Variants in OGFOD1 observed in about 807,000 individuals in gnomAD.
OGFOD1 encodes prolyl 3-hydroxylase OGFOD1.
Under a neutral mutation model 67.7 loss-of-function variants are expected in OGFOD1, and 54 were observed. The observed-to-expected ratio is 0.80, with a 90% confidence interval of 0.64 to 1.00. The LOEUF (loss-of-function observed/expected upper bound fraction) is 1.00, where lower values mean the gene tolerates loss of function less well. Ranked by LOEUF, OGFOD1 falls within the 50% of genes least tolerant of loss-of-function variation. The pLI is 0.00. For synonymous variants in OGFOD1, 221 were observed against 227.0 expected (o/e 0.97, Z 0.24); for missense variants, 606 against 646.7 (o/e 0.94, Z 0.68).
intron 9 of OGFOD1, 185 bp downstream of exon 9, chr16:56,470,267 A>G: frequency 1.5e-6 from 1 of 661,878 alleles, no homozygotes; most frequent in Non-Finnish European, 2.6e-6. Context: ...CACACCCAAT[A>G]ATAGGACACT....
chr16:56,474,997 C>T, intron 11 of OGFOD1, 47 bp downstream of exon 11: 1 of 1,601,050 alleles, frequency 6.2e-7, no homozygotes, highest in Non-Finnish European at 8.5e-7. Flanking sequence ...GTAGGAGGGG[C>T]AGTCTCTTCT....
chr16:56,475,894 G>C, intron 12 of OGFOD1, 150 bp from the exon 13 acceptor site: 1 of 697,400 alleles, frequency 1.4e-6, no homozygotes, highest in East Asian at 2.7e-5. Flanking sequence ...AAAATGGCTT[G>C]ACAGCCACCC....
Position 56,469,938 on chromosome 16 carries a change from C to T in OGFOD1, c.901-65C>T, listed in dbSNP as rs1247831103. The T allele has an allele frequency of 1.0e-5, 14 of 1,377,178 alleles. No homozygotes were observed. The African/African-American group carries it at 2.0e-4, about 20-fold the overall frequency. 85.3% of individuals were successfully genotyped at this position (1,377,178 alleles called of 1,614,324 possible). ...TTGATGTTTGGCAGAGCTGCTGTAC[C>T]TGCCAAACCAGTGCGGGGTAATAGG... On this transcript the variant is annotated intron_variant, in intron 8 of 12. Coordinates refer to ENST00000566157, the MANE Select transcript of OGFOD1 (RefSeq NM_018233.4).
intron 2 of OGFOD1, among the ~76,000 whole-genome samples, chr16:56,455,238 G>A (rs966801544): frequency 6.6e-6 from 1 of 151,882 alleles, no homozygotes; most frequent in African/African-American, 2.4e-5. Flanking sequence ...GTGGTGGCAC[G>A]CCCCTATAAT....
intron 4 of OGFOD1, among the ~76,000 whole-genome samples, chr16:56,463,058 T>C (rs1164828683): frequency 6.6e-6 from 1 of 152,344 alleles, no homozygotes; most frequent in African/African-American, 2.4e-5. Context: ...TGCAGGTATA[T>C]GGTGTAAACC....
intron 10 of OGFOD1, among the ~76,000 whole-genome samples, 161 bp downstream of exon 10, chr16:56,470,952 A>AT (rs35620675): frequency 6.6e-6 from 1 of 152,232 alleles, no homozygotes; most frequent in African/African-American, 2.4e-5. Flanking sequence ...GGGAGCTTAC[A>AT]TTCTAGTAGA....
chr16:56,470,695 C>T lies in OGFOD1; in HGVS notation c.1189C>T (p.Pro397Ser). Residue 397 changes from proline (P) to serine (S), a missense_variant, in exon 10 of 13, where the codon CCT (proline) becomes TCT (serine). By Grantham distance (74) the Pro-to-Ser change is moderately conservative. Coordinates refer to ENST00000566157, the MANE Select transcript of OGFOD1 (RefSeq NM_018233.4). ...ITEEGTSHSP[P>S]EPENNQMAIS... Reference sequence around the variant, plus strand: ...TGAAGAAGGGACTAGCCATAGTCCTCCTGAGCCAGAGAATAATCAGATGGC... The same window carrying T: ...TGAAGAAGGGACTAGCCATAGTCCTTCTGAGCCAGAGAATAATCAGATGGC... 6.2e-7 allele frequency: 1 copy of T among 1,614,070 alleles called. No individual in the cohort carries two copies. The highest frequency in any genetic ancestry group is 8.5e-7 in the Non-Finnish European group (1 of 1,179,968).
Position 56,470,733 on chromosome 16 carries a change from C to T in OGFOD1, c.1227C>T (p.Asn409=), listed in dbSNP as rs143949400. 2.9e-5 allele frequency: 46 copies of T among 1,613,812 alleles called. No individual in the cohort carries two copies. The highest frequency in any genetic ancestry group is 3.7e-5 in the Non-Finnish European group (44 of 1,179,920). The change falls in exon 10 of 13, where the codon AAC becomes AAT. Residue 409 remains asparagine, a synonymous_variant. Coordinates refer to ENST00000566157, the MANE Select transcript of OGFOD1 (RefSeq NM_018233.4). ...ATAATCAGATGGCCATCAGCAACAA[C>T]AGCCAACAGAGCAATGAGCAGACAG... ...PENNQMAISN[N]SQQSNEQTDP...
At chr16:56,453,715 T>C (rs1485892385) in intron 2 of OGFOD1, 9 of 189,448 alleles carry the variant, frequency 4.8e-5, no homozygotes, top group Non-Finnish European at 7.7e-5. Flanking sequence ...GAGAGAGTGA[T>C]AATGTCTTCC....
intron 8 of OGFOD1, among the ~76,000 whole-genome samples, chr16:56,469,696 C>T (rs985240208): frequency 6.6e-6 from 1 of 151,666 alleles, no homozygotes; most frequent in Non-Finnish European, 1.5e-5. Context: ...ACTAAAAATA[C>T]AAAATTAGCC....
rs1049731941 is a variant in OGFOD1, at chr16:56,451,771, C to G, written c.154+5C>G. 1 of 1,612,068 alleles carries G rather than the reference C, an allele frequency of 6.2e-7. No individual in the cohort carries two copies. Among genetic ancestry groups the G allele is most frequent in the Non-Finnish European group, 8.5e-7 (1 of 1,179,760 alleles). ...GCAGGACGCCGTTCAGTCACGGTAA[C>G]CGGGTGCTCTCAGGGAGGGGCCGCC... On this transcript the variant is annotated splice_donor_5th_base_variant and intron_variant, in intron 1 of 12. Coordinates refer to ENST00000566157, the MANE Select transcript of OGFOD1 (RefSeq NM_018233.4).
In OGFOD1 at chr16:56,476,200, G is replaced by A; in HGVS notation, c.1624G>A (p.Glu542Lys). Residue 542 changes from glutamate to lysine, a missense_variant, in exon 13 of 13, where the codon GAA (glutamate) becomes AAA (lysine). Glu to Lys is a moderately conservative substitution (Grantham distance 56, BLOSUM62 1). Transcript: ENST00000566157. ...CTGGGACTTTTCATTCATCTATTATGAATGACAGCACTGGGCAAAGCTGAA... is the reference window on the plus strand; with the variant it reads ...CTGGGACTTTTCATTCATCTATTATAAATGACAGCACTGGGCAAAGCTGAA... The part of the protein sequence containing the change: ...GFWDFSFIYY[E>K] 2 of 1,610,928 alleles carry A rather than the reference G, an allele frequency of 1.2e-6. No individual in the cohort carries two copies. Among genetic ancestry groups the A allele is most frequent in the Non-Finnish European group, 1.7e-6 (2 of 1,179,610 alleles).
chr16:56,471,345 G>C (rs1336838263), intron 10 of OGFOD1, among the ~76,000 whole-genome samples: 2 of 148,934 alleles, frequency 1.3e-5, no homozygotes, highest in African/African-American at 5.0e-5. Flanking sequence ...CTGGGCAACA[G>C]AGCGAGACTA....
rs368303889 is a variant in OGFOD1, at chr16:56,476,046, G to A, written c.1470G>A (p.Leu490=). ...GTCACTGTATTTGTCTTTTTCAGCT[G>A]CTAACAGTGAATCCAGAAAGCAATT... ...SYIAKGEDEE[L]LTVNPESNSL... Residue 490 remains leucine, a splice_region_variant and synonymous_variant, in exon 13 of 13, where the codon CTG becomes CTA. Transcript: ENST00000566157. 99 of 1,608,796 alleles carry A rather than the reference G, an allele frequency of 6.2e-5. No homozygotes were observed. Among genetic ancestry groups the A allele is most frequent in the Non-Finnish European group, 6.5e-5 (77 of 1,178,294 alleles).
chr16:56,468,029 C>T lies in OGFOD1; in HGVS notation c.900+11C>T, dbSNP rs1447484584. On this transcript the variant is annotated intron_variant, in intron 8 of 12. Transcript: ENST00000566157. The stretch of plus-strand genomic sequence containing the variant: ...AAGGAGTTTCTTAAGGTAAGCTTAG[C>T]GTATGTTGTTCTGAATATTTTGTTT... 2 of 1,349,504 alleles carry T rather than the reference C, an allele frequency of 1.5e-6. No homozygotes were observed. The highest frequency in any genetic ancestry group is 1.4e-5 in the African/African-American group (1 of 69,930). The allele number at this position is 1,349,504 out of a possible 1,614,324, so 83.6% of individuals were successfully genotyped here. A position where few individuals can be genotyped will look rare whatever the true frequency, so the allele number is the denominator to read the frequency against.
At chr16:56,469,840 A>AAC (rs1963070093) in intron 8 of OGFOD1, among the ~76,000 whole-genome samples, 163 bp from the exon 9 acceptor site, 1 of 142,366 alleles carries the variant, frequency 7.0e-6, no homozygotes, top group Non-Finnish European at 1.5e-5. Flanking sequence ...ACAAGAGTGA[A>AAC]ACTCCATCTC....
At chr16:56,472,638 CAAG>C (rs1372254228) in intron 10 of OGFOD1, among the ~76,000 whole-genome samples, 1 of 151,748 alleles carries the variant, frequency 6.6e-6, no homozygotes, top group Non-Finnish European at 1.5e-5. Flanking sequence ...GTTTAGAAAA[CAAG>C]AAAAAGGAAA....
chr16:56,453,593 TA>T, intron 2 of OGFOD1, 185 bp downstream of exon 2: 1 of 541,652 alleles, frequency 1.8e-6, no homozygotes. Context: ...TTAAGTGCTA[TA>T]ATTATATGGA....
rs1963474944 is a variant in OGFOD1 at position 56,476,328 on chromosome 16, T to C, written c.*123T>C. On this transcript the variant is annotated 3_prime_UTR_variant, in exon 13 of 13. Coordinates refer to ENST00000566157, the MANE Select transcript of OGFOD1 (RefSeq NM_018233.4). ...TGCCTGACAGTGTTCTTAAAACTGG[T>C]TGTCTTTTACTAGGACTCATAATGA... 2 of 886,320 alleles carry C rather than the reference T, an allele frequency of 2.3e-6. No homozygotes were observed. Among genetic ancestry groups the C allele is most frequent in the East Asian group, 2.7e-5 (1 of 37,068 alleles). 54.9% of individuals were successfully genotyped at this position (886,320 alleles called of 1,614,324 possible). A position where few individuals can be genotyped will look rare whatever the true frequency, so the allele number is the denominator to read the frequency against.
Sources: gnomAD v4.1 joint callset for allele counts (sites outside exome capture counted in the v4.1 genomes callset) on GRCh38, gnomAD v4.1.1 for gene constraint, MANE v1.5 for transcripts, NCBI Gene and HGNC (gene_info 2026-07-23, HGNC 2026-07-21) for gene names.